CTNNA2: variants seen among roughly 807,000 people sequenced by gnomAD.
CTNNA2 encodes the protein catenin alpha-2.
CTNNA2 carries 42 observed loss-of-function variants against 101.0 expected under a neutral mutation model. The observed-to-expected ratio is 0.42, with a 90% CI of 0.32 to 0.54. The LOEUF (loss-of-function observed/expected upper bound fraction) is 0.54. Ranked by LOEUF, CTNNA2 falls within the 20% of genes least tolerant of loss-of-function variation. The pLI is 0.14. For missense variants in CTNNA2, 871 were observed against 1,223.1 expected, an observed-to-expected ratio of 0.71 and a Z score of 4.29; for synonymous variants, 450 against 456.4, an observed-to-expected ratio of 0.99 and a Z score of 0.18.
intron 7 of CTNNA2, among the ~76,000 whole-genome samples, chr2:80,190,157 C>T (rs1706399652): frequency 6.6e-6 from 1 of 151,850 alleles, no homozygotes. Context: ...CCCCTATTAA[C>T]CTTAACAGGG....
intron 18 of CTNNA2, among the ~76,000 whole-genome samples, chr2:80,643,241 T>C (rs950426262): frequency 6.6e-6 from 1 of 152,014 alleles, no homozygotes; most frequent in African/African-American, 2.4e-5. Context: ...CTCTGGGAAA[T>C]AGCATGGAGG....
rs540114017 is a variant in CTNNA2, at chr2:80,243,172, A to C, written c.1057-150039A>C. 3.9e-5 allele frequency among the ~76,000 whole-genome samples: 6 copies of C among 152,322 alleles called. 1 individual carries two copies. The East Asian group carries it at 5.8e-4, about 15-fold the overall frequency. ...TTATTTCAGTAGTGAGTAGTAAGAA[A>C]CATTATGGGGGTCATCCCACAGACA... On this transcript the variant is annotated intron_variant, in intron 7 of 18. Transcript: ENST00000402739.
At chr2:80,179,219 G>T (rs1181343132) in intron 7 of CTNNA2, among the ~76,000 whole-genome samples, 1 of 152,180 alleles carries the variant, frequency 6.6e-6, no homozygotes, top group Non-Finnish European at 1.5e-5. Context: ...AACCACATCT[G>T]GTACAGCAGA....
At chr2:80,593,077 C>G (rs1038314862) in intron 15 of CTNNA2, among the ~76,000 whole-genome samples, 5 of 152,106 alleles carry the variant, frequency 3.3e-5, no homozygotes, top group Non-Finnish European at 7.4e-5. Context: ...TGACTTGATG[C>G]TCTTTCCAAG....
At chr2:79,564,665 A>C (rs983101274) in intron 1 of CTNNA2, among the ~76,000 whole-genome samples, 1 of 152,156 alleles carries the variant, frequency 6.6e-6, no homozygotes, top group African/African-American at 2.4e-5. Context: ...GCACACATTA[A>C]AATTTTTTAA....
In CTNNA2 at chr2:80,122,467, T is replaced by C. The variant is rs375850519; in HGVS notation, c.1056+212670T>C. Among the ~76,000 whole-genome samples, 15 of 152,206 alleles carry C rather than the reference T, an allele frequency of 9.9e-5. No homozygotes were observed. The East Asian group carries it at 1.4e-3, about 14-fold the overall frequency. On this transcript the variant is annotated intron_variant, in intron 7 of 18. Transcript: ENST00000402739. ...TTAGGAAACACTTCTTTAACTGATA[T>C]CATCAGACTGAATCTACTTTTTTTC...
chr2:79,223,159 C>T lies in CTNNA2; in HGVS notation c.-406+25083C>T, dbSNP rs376284967. ...TGGGCAACCGAGTGAGATCCCATCT[C>T]TAAAATAAATGAATAAATAATACAA... On this transcript the variant is annotated intron_variant, in intron 2 of 21. Transcript: ENST00000466387. Among the ~76,000 whole-genome samples the T allele has an allele frequency of 7.9e-5, 12 of 152,084 alleles. No individual in the cohort carries two copies. The East Asian group carries it at 2.3e-3, about 30-fold the overall frequency.
chr2:79,252,816 TG>T (rs1674790362), intron 2 of CTNNA2, among the ~76,000 whole-genome samples: 2 of 119,906 alleles, frequency 1.7e-5, no homozygotes, highest in East Asian at 2.7e-4. Context: ...TATTATCAAC[TG>T]TTTTTTTTTT....
At chr2:80,501,057 T>C (rs1687845720) in intron 9 of CTNNA2, among the ~76,000 whole-genome samples, 1 of 152,242 alleles carries the variant, frequency 6.6e-6, no homozygotes, top group South Asian at 2.1e-4. Context: ...CAGGAATTCT[T>C]GTTAAATATC....
chr2:80,581,838 C>T lies in CTNNA2; in HGVS notation c.2007+19C>T. 1 of 1,478,202 alleles carries T rather than the reference C, an allele frequency of 6.8e-7. No homozygotes were observed. The highest frequency in any genetic ancestry group is 1.4e-5 in the African/African-American group (1 of 72,246). The allele number at this position is 1,478,202 out of a possible 1,614,324, so 91.6% of individuals were successfully genotyped here. A position where few individuals can be genotyped will look rare whatever the true frequency, so the allele number is the denominator to read the frequency against. ...CGCACGGGTGAGTGGACACCTAAGA[C>T]TTTGGCTTGGCACACAGGGACCGTG... is the stretch of plus-strand genomic sequence containing the variant. On this transcript the variant is annotated intron_variant, in intron 14 of 18. Transcript: ENST00000402739.
chr2:80,005,334 A>G (rs1693261612), intron 7 of CTNNA2, among the ~76,000 whole-genome samples: 1 of 152,208 alleles, frequency 6.6e-6, no homozygotes, highest in Non-Finnish European at 1.5e-5. Flanking sequence ...CCTAAGGGTT[A>G]GGAGTGGCCC....
chr2:80,629,700 T>G (rs965863861), intron 18 of CTNNA2, among the ~76,000 whole-genome samples: 1 of 152,152 alleles, frequency 6.6e-6, no homozygotes, highest in Non-Finnish European at 1.5e-5. Flanking sequence ...ATAGGGAGCT[T>G]GTTGTAGTTA....
chr2:79,366,196 C>T (rs930056587), intron 3 of CTNNA2, among the ~76,000 whole-genome samples: 3 of 152,046 alleles, frequency 2.0e-5, no homozygotes, highest in East Asian at 1.9e-4. Context: ...ATTTAGCTTA[C>T]CTAAGAGCTA....
chr2:79,340,313 T>C (rs1677099099), intron 3 of CTNNA2: 1 of 152,250 alleles, frequency 6.6e-6, no homozygotes, highest in Non-Finnish European at 1.5e-5. Context: ...GGTCATGTGG[T>C]CCCCATCAGT....
chr2:79,874,312 C>T lies in CTNNA2; in HGVS notation c.822C>T (p.Gly274=), dbSNP rs772578256. The T allele has an allele frequency of 1.9e-6, 3 of 1,613,634 alleles. No homozygotes were observed. The highest frequency in any genetic ancestry group is 1.7e-6 in the Non-Finnish European group (2 of 1,179,994). Residue 274 remains glycine, a synonymous_variant, in exon 6 of 19, where the codon GGC becomes GGT. Coordinates refer to ENST00000402739, the MANE Select transcript of CTNNA2 (RefSeq NM_001282597.3). The part of the protein sequence containing the change: ...TDEAKGHTGI[G]ELAAALNEFD... ...AAGCCAAGGGCCACACGGGCATCGG[C>T]GAGCTGGCTGCGGCTCTTAATGAGT... is the stretch of plus-strand genomic sequence containing the variant.
At chr2:80,075,618 A>ATAT (rs1286811061) in intron 7 of CTNNA2, among the ~76,000 whole-genome samples, 2 of 106,926 alleles carry the variant, frequency 1.9e-5, no homozygotes, top group Non-Finnish European at 3.6e-5. Context: ...ACATGTATAA[A>ATAT]TATAAATATT....
chr2:80,186,060 C>A (rs919261318), intron 7 of CTNNA2, among the ~76,000 whole-genome samples: 3 of 152,168 alleles, frequency 2.0e-5, no homozygotes, highest in Admixed American at 2.0e-4. Flanking sequence ...GATGGCAAAG[C>A]CAGACTGTGG....
At chr2:79,415,989 A>T (rs1678475143) in intron 4 of CTNNA2, among the ~76,000 whole-genome samples, 1 of 136,718 alleles carries the variant, frequency 7.3e-6, no homozygotes, top group African/African-American at 2.7e-5. Context: ...ATCAGCAAGA[A>T]TTATAATAAC....
intron 4 of CTNNA2, among the ~76,000 whole-genome samples, chr2:79,462,032 T>C (rs1448698043): frequency 3.3e-5 from 5 of 152,138 alleles, no homozygotes; most frequent in Non-Finnish European, 5.9e-5. Context: ...GTTAAATTTA[T>C]TAATTTCAGT....
Sources: gnomAD v4.1 joint callset for allele counts (sites outside exome capture counted in the v4.1 genomes callset) on GRCh38, gnomAD v4.1.1 for gene constraint, MANE v1.5 for transcripts, NCBI Gene and HGNC (gene_info 2026-07-23, HGNC 2026-07-21) for gene names.